KIAA0319: variants seen among roughly 807,000 people sequenced by gnomAD.
KIAA0319 encodes dyslexia-associated protein KIAA0319.
A neutral mutation model predicts 108.4 loss-of-function variants in KIAA0319; 83 were observed. That is an observed-to-expected ratio of 0.77 (90% CI 0.64 to 0.92). The LOEUF (loss-of-function observed/expected upper bound fraction) is 0.92, where lower values mean the gene tolerates loss of function less well. Among genes scored for constraint, KIAA0319 ranks in the 40% least tolerant of loss-of-function variants. The probability of loss-of-function intolerance (pLI) is 0.00; values close to 1 mark genes in which losing one functional copy is unlikely to be tolerated. For missense variants in KIAA0319, 1,195 were observed against 1,322.4 expected, an observed-to-expected ratio of 0.90 and a Z score of 1.49; for synonymous variants, 484 against 510.4, an observed-to-expected ratio of 0.95 and a Z score of 0.70.
intron 5 of KIAA0319, chr6:24,583,244 G>A (rs924532644): frequency 3.8e-5 from 38 of 1,004,460 alleles, no homozygotes; most frequent in Non-Finnish European, 7.1e-6. Context: ...AAACCTATGG[G>A]TGCACGCCAC....
downstream of KIAA0319, among the ~76,000 whole-genome samples, chr6:24,543,216 C>CAGT (rs1381398081): frequency 6.6e-6 from 1 of 152,176 alleles, no homozygotes; most frequent in African/African-American, 2.4e-5. Flanking sequence ...AAGCTCCATA[C>CAGT]AGTACTACCA....
At chr6:24,618,446 T>A (rs1773463761) in intron 1 of KIAA0319, among the ~76,000 whole-genome samples, 1 of 151,788 alleles carries the variant, frequency 6.6e-6, no homozygotes, top group Non-Finnish European at 1.5e-5. Flanking sequence ...TCATCTCTAT[T>A]AAAACTTAAA....
intron 2 of KIAA0319, 51 bp downstream of exon 2, chr6:24,600,998 G>T: frequency 6.2e-7 from 1 of 1,610,996 alleles, no homozygotes; most frequent in Non-Finnish European, 8.5e-7. Flanking sequence ...GCTTACACTA[G>T]TCAAGAAACT....
intron 15 of KIAA0319, 28 bp from the exon 16 acceptor site, chr6:24,563,546 C>T (rs1239618074): frequency 6.3e-7 from 1 of 1,584,306 alleles, no homozygotes; most frequent in Admixed American, 1.7e-5. Flanking sequence ...ACAGGATTTG[C>T]ACTTGGACAT....
intron 1 of KIAA0319, among the ~76,000 whole-genome samples, chr6:24,605,422 C>G (rs1402767839): frequency 1.3e-5 from 2 of 152,188 alleles, no homozygotes; most frequent in Non-Finnish European, 2.9e-5. Flanking sequence ...CTCCGAATGA[C>G]CCAGTTCTCT....
intron 20 of KIAA0319, among the ~76,000 whole-genome samples, chr6:24,548,146 A>G (rs1252591510): frequency 6.6e-6 from 1 of 152,226 alleles, no homozygotes; most frequent in Admixed American, 6.5e-5. Flanking sequence ...ACATATACTT[A>G]TGGCAGGGGT....
At chr6:24,615,046 TC>T (rs1165435504) in intron 1 of KIAA0319, among the ~76,000 whole-genome samples, 1 of 152,234 alleles carries the variant, frequency 6.6e-6, no homozygotes, top group Non-Finnish European at 1.5e-5. Flanking sequence ...TTGATAAATC[TC>T]CTGAATAATT....
chr6:24,587,299 C>T (rs910415336), intron 4 of KIAA0319, among the ~76,000 whole-genome samples: 16 of 151,514 alleles, frequency 1.1e-4, no homozygotes, highest in African/African-American at 3.4e-4. Context: ...TGGTTTGAGA[C>T]GGAATCTCAC....
chr6:24,610,894 G>A (rs1772204532), intron 1 of KIAA0319, among the ~76,000 whole-genome samples: 1 of 152,144 alleles, frequency 6.6e-6, no homozygotes, highest in Non-Finnish European at 1.5e-5. Flanking sequence ...TAAAGGCATA[G>A]TAATAGGCAA....
At chr6:24,547,734 G>A (rs1316613174) in intron 20 of KIAA0319, among the ~76,000 whole-genome samples, 1 of 152,194 alleles carries the variant, frequency 6.6e-6, no homozygotes, top group African/African-American at 2.4e-5. Flanking sequence ...TCCAACAAAC[G>A]AAAGCTTCTG....
intron 1 of KIAA0319, among the ~76,000 whole-genome samples, chr6:24,638,409 G>A (rs1266211140): frequency 5.3e-5 from 8 of 152,178 alleles, no homozygotes; most frequent in Non-Finnish European, 2.9e-5. Flanking sequence ...GAGTTGTAAA[G>A]TAATAAATGG....
intron 1 of KIAA0319, among the ~76,000 whole-genome samples, chr6:24,622,916 G>A (rs543138008): frequency 1.3e-5 from 2 of 152,264 alleles, no homozygotes; most frequent in African/African-American, 2.4e-5. Context: ...GCAGGTGCCT[G>A]TAATCCCAGC....
intron 3 of KIAA0319, among the ~76,000 whole-genome samples, chr6:24,591,064 T>C (rs527491950): frequency 6.6e-6 from 1 of 152,364 alleles, no homozygotes; most frequent in African/African-American, 2.4e-5. Context: ...TTCTCTAGTC[T>C]TGTCCACAGG....
Position 24,556,687 on chromosome 6 carries a change from AG to A in KIAA0319, c.2776del (p.Leu926SerfsTer34), listed in dbSNP as rs1158081267. The A allele has an allele frequency of 3.7e-6, 6 of 1,614,000 alleles. No individual in the cohort carries two copies. Among genetic ancestry groups the A allele is most frequent in the Non-Finnish European group, 5.1e-6 (6 of 1,179,958 alleles). ...KCSGHGHCDP[L>X]TKRCICSHLW... Reference sequence around the variant, plus strand: ...GTGAGAGCAAATGCAGCGCTTTGTGAGGGGGTCGCAGTGACCATGGCCAGAA... The same window carrying A: ...GTGAGAGCAAATGCAGCGCTTTGTGAGGGGTCGCAGTGACCATGGCCAGAA... On this transcript the variant is annotated frameshift_variant, in exon 18 of 21. Transcript: ENST00000378214. LOFTEE classifies it high-confidence loss of function.
At position 24,618,749 on chromosome 6, in the gene KIAA0319, T is replaced by C. The variant is rs148736049; in HGVS notation, c.-105-17541A>G. The stretch of plus-strand genomic sequence containing the variant: ...TTTCAGATAATGGAATTCTGGCATA[T>C]AAATATAAAATGAAATGTTTAAAAA... On this transcript the variant is annotated intron_variant, in intron 1 of 20. Coordinates refer to ENST00000378214, the MANE Select transcript of KIAA0319 (RefSeq NM_014809.4). Among the ~76,000 whole-genome samples the C allele has an allele frequency of 1.8e-3, 265 of 148,626 alleles. 1 individual carries two copies. The South Asian group carries it at 0.018, about 10-fold the overall frequency.
chr6:24,554,611 T>C lies in KIAA0319; in HGVS notation c.2878A>G (p.Thr960Ala), dbSNP rs1186201372. The C allele has an allele frequency of 1.2e-6, 2 of 1,613,554 alleles. No homozygotes were observed. The highest frequency in any genetic ancestry group is 3.3e-5 in the Admixed American group (2 of 60,014). ...ACAATAAGAGTAAAAGCCAACACTG[T>C]CACATAGAATATACTCCACTCTGAA... is the stretch of plus-strand genomic sequence containing the variant. ...SNCEWSIFYV[T>A]VLAFTLIVLT... The change falls in exon 19 of 21, where the codon ACA (threonine) becomes GCA (alanine). Residue 960 changes from threonine to alanine, a missense_variant. Physicochemically the swap from Thr to Ala is moderately conservative, Grantham distance 58. Transcript: ENST00000378214.
intron 20 of KIAA0319, among the ~76,000 whole-genome samples, chr6:24,549,050 G>A (rs1399306981): frequency 6.6e-6 from 1 of 150,694 alleles, no homozygotes; most frequent in Admixed American, 6.6e-5. Flanking sequence ...GGCCAGGTGT[G>A]GTGGCCCACA....
chr6:24,591,222 C>G (rs1430027748), intron 3 of KIAA0319, among the ~76,000 whole-genome samples: 1 of 152,082 alleles, frequency 6.6e-6, no homozygotes, highest in Non-Finnish European at 1.5e-5. Context: ...TGTTTTCTTT[C>G]TCTTGTGTAA....
chr6:24,579,458 A>G (rs1766096122), intron 8 of KIAA0319, among the ~76,000 whole-genome samples: 4 of 145,638 alleles, frequency 2.7e-5, no homozygotes, highest in Admixed American at 2.1e-4. Context: ...TATATCTTAT[A>G]TATCTCATAT....
Sources: allele counts gnomAD v4.1 joint callset (sites outside exome capture counted in the v4.1 genomes callset), GRCh38; gene constraint gnomAD v4.1.1; transcripts MANE v1.5; gene names NCBI Gene and HGNC (gene_info 2026-07-23, HGNC 2026-07-21).